CCSER1: variants seen among roughly 807,000 people sequenced by gnomAD.
The protein encoded by CCSER1 is coiled-coil serine rich protein 1.
A neutral mutation model predicts 82.0 loss-of-function variants in CCSER1; 41 were observed. The observed-to-expected ratio is 0.50, with a 90% CI of 0.39 to 0.65. The LOEUF is 0.65. Among genes scored for constraint, CCSER1 ranks in the 30% least tolerant of loss-of-function variants. The pLI is 0.00. For synonymous variants in CCSER1, 414 were observed against 383.9 expected (o/e 1.08, Z -0.92); for missense variants, 1,119 against 1,064.2 (o/e 1.05, Z -0.72).
chr4:91,274,949 C>CAA (rs36102296), intron 10 of CCSER1, among the ~76,000 whole-genome samples: 1 of 151,258 alleles, frequency 6.6e-6, no homozygotes, highest in South Asian at 2.1e-4. Flanking sequence ...ACTAAAAATA[C>CAA]AAAAAAAATA....
intron 4 of CCSER1, among the ~76,000 whole-genome samples, chr4:90,442,480 C>T (rs984493199): frequency 2.0e-5 from 3 of 152,082 alleles, no homozygotes; most frequent in Non-Finnish European, 4.4e-5. Flanking sequence ...TTCAGAGTGC[C>T]TCAAGAGGAG....
intron 1 of CCSER1, 100 bp from the exon 2 acceptor site, chr4:90,308,144 A>G (rs1381196126): frequency 2.1e-6 from 2 of 931,462 alleles, no homozygotes; most frequent in African/African-American, 3.4e-5. Context: ...AGTATAAACT[A>G]AATTCTATTT....
intron 6 of CCSER1, among the ~76,000 whole-genome samples, chr4:90,689,611 G>A (rs1317881258): frequency 1.3e-5 from 2 of 152,046 alleles, no homozygotes; most frequent in Non-Finnish European, 2.9e-5. Context: ...TTCAAGCAGT[G>A]GCGTAGATTG....
intron 10 of CCSER1, among the ~76,000 whole-genome samples, chr4:91,555,095 A>G (rs914742851): frequency 5.3e-5 from 8 of 151,266 alleles, no homozygotes; most frequent in Admixed American, 4.0e-4. Context: ...AAAAGAAAAT[A>G]TATGAGGAAA....
chr4:90,394,526 T>C (rs1469469585), intron 3 of CCSER1, among the ~76,000 whole-genome samples: 1 of 152,190 alleles, frequency 6.6e-6, no homozygotes, highest in South Asian at 2.1e-4. Context: ...CTTTTGTTAA[T>C]AATTAGCATT....
chr4:90,359,891 G>GTATATATA (rs1371154658), intron 3 of CCSER1, among the ~76,000 whole-genome samples: 1,563 of 79,456 alleles, frequency 0.02, 68 homozygotes, highest in African/African-American at 0.1. Context: ...ATATATATGT[G>GTATATATA]TGTGTGTATA....
At chr4:90,873,426 G>A (rs1403648962) in intron 8 of CCSER1, among the ~76,000 whole-genome samples, 1 of 152,040 alleles carries the variant, frequency 6.6e-6, no homozygotes, top group Non-Finnish European at 1.5e-5. Flanking sequence ...CTGCTTTGGT[G>A]TTCCTGTTGC....
At chr4:91,497,520 C>A (rs1481346130) in intron 10 of CCSER1, among the ~76,000 whole-genome samples, 1 of 151,572 alleles carries the variant, frequency 6.6e-6, no homozygotes, top group Non-Finnish European at 1.5e-5. Context: ...TATAAAAGAG[C>A]TAAATTTGAT....
At chr4:90,505,414 A>T (rs919555701) in intron 5 of CCSER1, among the ~76,000 whole-genome samples, 1 of 152,196 alleles carries the variant, frequency 6.6e-6, no homozygotes, top group South Asian at 2.1e-4. Flanking sequence ...AGTTGAATCT[A>T]GACTATGGGA....
At position 91,377,436 on chromosome 4, in the gene CCSER1, A is replaced by G. The variant is rs958629773; in HGVS notation, c.2218-221136A>G. ...GTTGTTTCCTGACTTTTTAATGATC[A>G]CCATTCTAACTGGTGTGAGATGGTA... On this transcript the variant is annotated intron_variant, in intron 10 of 10. Coordinates refer to ENST00000509176, the MANE Select transcript of CCSER1 (RefSeq NM_001145065.2). Among the ~76,000 whole-genome samples the G allele has an allele frequency of 2.0e-5, 3 of 151,972 alleles. No individual in the cohort carries two copies. The East Asian group carries it at 5.8e-4, about 29-fold the overall frequency.
intron 9 of CCSER1, among the ~76,000 whole-genome samples, chr4:90,970,257 A>G (rs1239243220): frequency 6.6e-6 from 1 of 151,900 alleles, no homozygotes; most frequent in African/African-American, 2.4e-5. Context: ...GAAGGAATAC[A>G]AAAAATATGC....
chr4:90,563,724 T>C (rs1165549326), intron 5 of CCSER1, among the ~76,000 whole-genome samples: 1 of 152,240 alleles, frequency 6.6e-6, no homozygotes, highest in African/African-American at 2.4e-5. Flanking sequence ...TCTGGCTGTT[T>C]TGATTACTGC....
rs373636198 is a variant in CCSER1, at chr4:91,417,379, G to A, written c.2218-181193G>A. Among the ~76,000 whole-genome samples the A allele has an allele frequency of 4.5e-4, 68 of 152,150 alleles. 2 individuals are homozygous for A. The South Asian group carries it at 0.012, about 26-fold the overall frequency. On this transcript the variant is annotated intron_variant, in intron 10 of 10. Coordinates refer to ENST00000509176, the MANE Select transcript of CCSER1 (RefSeq NM_001145065.2). ...GGAATATAAATCATTCTATTATAAA[G>A]ATACATGCATGCATATGTTTATTGC... is the stretch of plus-strand genomic sequence containing the variant.
At chr4:90,602,513 G>T (rs2148761990) in intron 5 of CCSER1, among the ~76,000 whole-genome samples, 1 of 152,174 alleles carries the variant, frequency 6.6e-6, no homozygotes, top group Non-Finnish European at 1.5e-5. Context: ...ATCCATCTTA[G>T]TATATTTATT....
In CCSER1 at chr4:90,698,084, T is replaced by C. The variant is rs114027354; in HGVS notation, c.1933-25830T>C. Among the ~76,000 whole-genome samples, 314 of 152,296 alleles carry C rather than the reference T, an allele frequency of 2.1e-3. 4 individuals carry two copies. Among genetic ancestry groups the C allele is most frequent in the African/African-American group, 7.1e-3 (297 of 41,572 alleles). ...GTTACCAAACAAGAGCATTTTCAAA[T>C]GCTTAGGTGGAGAGATCATTATGAA... On this transcript the variant is annotated intron_variant, in intron 6 of 10. Coordinates refer to ENST00000509176, the MANE Select transcript of CCSER1 (RefSeq NM_001145065.2).
At chr4:90,869,029 C>A (rs946479042) in intron 8 of CCSER1, among the ~76,000 whole-genome samples, 3 of 152,072 alleles carry the variant, frequency 2.0e-5, no homozygotes, top group East Asian at 3.9e-4. Context: ...TATTCACATC[C>A]TTTGCCCATG....
chr4:91,378,489 A>G (rs922492312), intron 10 of CCSER1, among the ~76,000 whole-genome samples: 2 of 152,064 alleles, frequency 1.3e-5, no homozygotes, highest in East Asian at 1.9e-4. Context: ...TGGATTCCTA[A>G]GTATTTTATT....
chr4:90,884,035 G>A (rs572749157), intron 8 of CCSER1, among the ~76,000 whole-genome samples: 5 of 152,272 alleles, frequency 3.3e-5, no homozygotes, highest in African/African-American at 7.2e-5. Context: ...AGAAGAGTCA[G>A]TGAGGGGTAG....
intron 9 of CCSER1, among the ~76,000 whole-genome samples, chr4:90,969,689 A>T (rs2150395211): frequency 6.6e-6 from 1 of 152,134 alleles, no homozygotes; most frequent in East Asian, 1.9e-4. Flanking sequence ...GGAGTTCTTC[A>T]AGATGAAGCA....
Sources: gnomAD v4.1 joint callset for allele counts (sites outside exome capture counted in the v4.1 genomes callset) on GRCh38, gnomAD v4.1.1 for gene constraint, MANE v1.5 for transcripts, NCBI Gene and HGNC (gene_info 2026-07-23, HGNC 2026-07-21) for gene names.